Variants in ADGRA2 observed in about 807,000 individuals in gnomAD.
The protein encoded by ADGRA2 is adhesion G protein-coupled receptor A2, also known as G-protein coupled receptor 124.
Under a neutral mutation model 98.7 loss-of-function variants are expected in ADGRA2, and 61 were observed. That is an observed-to-expected ratio of 0.62 (90% CI 0.50 to 0.76). The LOEUF is 0.76. ADGRA2 is among the 30% of genes least tolerant of loss of function. The pLI, the probability that ADGRA2 is intolerant of heterozygous loss-of-function variation, is 0.00. For missense variants in ADGRA2, 1,712 were observed against 1,860.0 expected (o/e 0.92, Z 1.46); for synonymous variants, 858 against 831.5 (o/e 1.03, Z -0.55).
At position 37,814,872 on chromosome 8, in the gene ADGRA2, T is replaced by C. The variant is rs1804932999; in HGVS notation, c.267-24T>C. On this transcript the variant is annotated intron_variant, in intron 1 of 18. Transcript: ENST00000412232. This position sits in a 1 kb window ranked among gnomAD's most constrained non-coding sequence, Gnocchi z 4.3. ...CAGCACATAACAGCACCTTGTCCTG[T>C]CTGTGTCCTCTCTGTCTCTTCAGGC... 1.3e-6 allele frequency: 2 copies of C among 1,583,298 alleles called. No individual in the cohort carries two copies. The highest frequency in any genetic ancestry group is 1.7e-6 in the Non-Finnish European group (2 of 1,151,932).
At chr8:37,832,749 C>T (rs1343720214) in intron 8 of ADGRA2, among the ~76,000 whole-genome samples, 1 of 152,192 alleles carries the variant, frequency 6.6e-6, no homozygotes, top group Admixed American at 6.5e-5. Flanking sequence ...AGGATAAATA[C>T]CTTGCCTTAA....
Position 37,844,669 on chromosome 8 carries a change from AG to A in ADGRA2, c.*2317del. On this transcript the variant is annotated 3_prime_UTR_variant, in exon 19 of 19. Transcript: ENST00000412232. ...ATCCGCTTCGGGGACTTCAACATGC[AG>A]GGTGGCAAGAGAAGGGCAGGACTGG... 1.2e-6 allele frequency: 2 copies of A among 1,614,138 alleles called. No individual in the cohort carries two copies. The highest frequency in any genetic ancestry group is 1.7e-6 in the Non-Finnish European group (2 of 1,180,038).
intron 7 of ADGRA2, 60 bp from the exon 8 acceptor site, chr8:37,831,363 G>A: frequency 1.9e-6 from 3 of 1,540,162 alleles, no homozygotes; most frequent in South Asian, 2.2e-5. Flanking sequence ...GGTGCTGAGG[G>A]AGGGCAACGT....
chr8:37,844,304 C>A lies in ADGRA2; in HGVS notation c.*1949C>A. 1.5e-6 allele frequency: 1 copy of A among 673,896 alleles called. No individual in the cohort carries two copies. Among genetic ancestry groups the A allele is most frequent in the Non-Finnish European group, 2.5e-6 (1 of 393,828 alleles). 41.7% of individuals were successfully genotyped at this position (673,896 alleles called of 1,614,324 possible). ...ACCAAGGGATGGGAATCTCTCCTAC[C>A]TATAGTCATCCCTGCACTCCTGACT... On this transcript the variant is annotated 3_prime_UTR_variant, in exon 19 of 19. Coordinates refer to ENST00000412232, the MANE Select transcript of ADGRA2 (RefSeq NM_032777.10).
chr8:37,811,372 A>T (rs1179580171), intron 1 of ADGRA2, among the ~76,000 whole-genome samples: 8 of 147,132 alleles, frequency 5.4e-5, no homozygotes, highest in Non-Finnish European at 1.2e-4. Flanking sequence ...GAGTTTCACC[A>T]TGTTGGCCAG....
intron 2 of ADGRA2, among the ~76,000 whole-genome samples, chr8:37,815,875 G>A (rs908617804): frequency 6.6e-6 from 1 of 152,154 alleles, no homozygotes; most frequent in Non-Finnish European, 1.5e-5. Context: ...GAGGAAGCCT[G>A]GGCCTCCCAC....
rs868085799 is a variant in ADGRA2 at position 37,814,796 on chromosome 8, C to A, written c.267-100C>A. Reference sequence around the variant, plus strand: ...TGCTGCCTCGCACAACTCCAGGGGGCGCCATTGACAAAGATGCAAGCTGGC... The same window carrying A: ...TGCTGCCTCGCACAACTCCAGGGGGAGCCATTGACAAAGATGCAAGCTGGC... On this transcript the variant is annotated intron_variant, in intron 1 of 18. Transcript: ENST00000412232. The surrounding 1 kb of genome is among the most constrained non-coding windows in gnomAD (Gnocchi z 4.3). 2.9e-5 allele frequency: 24 copies of A among 819,380 alleles called. No homozygotes were observed. The Middle Eastern group carries it at 1.2e-3, about 39-fold the overall frequency. 50.8% of individuals were successfully genotyped at this position (819,380 alleles called of 1,614,324 possible).
chr8:37,841,677 C>CCGGTGTTCGGGGAGGGG lies in ADGRA2; in HGVS notation c.3340_3341insGGTGTTCGGGGAGGGGC (p.Pro1114ArgfsTer195). On this transcript the variant is annotated frameshift_variant, in exon 19 of 19. Coordinates refer to ENST00000412232, the MANE Select transcript of ADGRA2 (RefSeq NM_032777.10). LOFTEE classifies it low-confidence loss of function (END_TRUNC). The surrounding 1 kb of genome is among the most constrained non-coding windows in gnomAD (Gnocchi z 5.0). ...ACGGTTCCCCGGTGTTCGGGGAGGG[C>CCGGTGTTCGGGGAGGGG]CCCCCCTCCCTCAAGTCCTCCCCAA... 2.6e-6 allele frequency: 4 copies of CCGGTGTTCGGGGAGGGG among 1,527,872 alleles called. No homozygotes were observed. Among genetic ancestry groups the CCGGTGTTCGGGGAGGGG allele is most frequent in the Non-Finnish European group, 3.5e-6 (4 of 1,137,110 alleles). 94.6% of individuals were successfully genotyped at this position (1,527,872 alleles called of 1,614,324 possible).
At position 37,841,595 on chromosome 8, in the gene ADGRA2, C is replaced by A; in HGVS notation, c.3257C>A (p.Pro1086His). The change falls in exon 19 of 19, where the codon CCT becomes CAT. Residue 1086 changes from proline to histidine, a missense_variant. By Grantham distance (77) the Pro-to-His change is moderately conservative. Coordinates refer to ENST00000412232, the MANE Select transcript of ADGRA2 (RefSeq NM_032777.10). The surrounding 1 kb of genome is among the most constrained non-coding windows in gnomAD (Gnocchi z 5.0). Reference sequence around the variant, plus strand: ...GCCTCGTGGCGCGCCTGCTGCCCCCCTGCCTCTCCCGCGGCCCCCCATGCC... The same window carrying A: ...GCCTCGTGGCGCGCCTGCTGCCCCCATGCCTCTCCCGCGGCCCCCCATGCC... Reference protein sequence around the residue: ...VRASWRACCPPASPAAPHAPP... With the variant: ...VRASWRACCPHASPAAPHAPP... 1.3e-6 allele frequency: 2 copies of A among 1,579,072 alleles called. No individual in the cohort carries two copies. Among genetic ancestry groups the A allele is most frequent in the Non-Finnish European group, 1.7e-6 (2 of 1,163,572 alleles).
In ADGRA2 at chr8:37,841,060, C is replaced by T. The variant is rs1218634202; in HGVS notation, c.2748-26C>T. 4.5e-6 allele frequency: 7 copies of T among 1,565,844 alleles called. No individual in the cohort carries two copies. Among genetic ancestry groups the T allele is most frequent in the East Asian group, 2.2e-5 (1 of 44,518 alleles). On this transcript the variant is annotated intron_variant, in intron 18 of 18. Coordinates refer to ENST00000412232, the MANE Select transcript of ADGRA2 (RefSeq NM_032777.10). The surrounding 1 kb of genome is among the most constrained non-coding windows in gnomAD (Gnocchi z 5.0). ...CCACCCCAGCCATGCCCCCTGTCCT[C>T]ATCACTGCTTCTGTGTCTCCTACAG...
At chr8:37,818,064 C>T (rs1351525402) in intron 2 of ADGRA2, among the ~76,000 whole-genome samples, 1 of 152,122 alleles carries the variant, frequency 6.6e-6, no homozygotes, top group African/African-American at 2.4e-5. Flanking sequence ...TCTTGGGTGC[C>T]AACAAAGAGG....
chr8:37,817,449 G>A (rs1054404428), intron 2 of ADGRA2, among the ~76,000 whole-genome samples: 1 of 152,136 alleles, frequency 6.6e-6, no homozygotes, highest in African/African-American at 2.4e-5. Flanking sequence ...GGTGGCTCAC[G>A]CCAGTAATTC....
In ADGRA2 at chr8:37,833,681, T is replaced by C. The variant is rs905794292; in HGVS notation, c.1297-7T>C. On this transcript the variant is annotated splice_polypyrimidine_tract_variant and splice_region_variant and intron_variant, in intron 9 of 18. Transcript: ENST00000412232. ...GAGATGATCCTCTCTCTTCCCCCAA[T>C]CCCCAGATGCCCATCAATGCCTCCA... 2 of 1,613,502 alleles carry C rather than the reference T, an allele frequency of 1.2e-6. No individual in the cohort carries two copies. The highest frequency in any genetic ancestry group is 1.7e-5 in the Admixed American group (1 of 59,988).
intron 11 of ADGRA2, 117 bp from the exon 12 acceptor site, chr8:37,835,057 A>G: frequency 1.4e-6 from 1 of 695,172 alleles, no homozygotes; most frequent in South Asian, 1.8e-5. Context: ...TGGCTTTGAA[A>G]AAACTGAGGA....
At position 37,843,447 on chromosome 8, in the gene ADGRA2, C is replaced by G. The variant is rs952119511; in HGVS notation, c.*1092C>G. ...AGCCCAGAGGCAGTGGCTGGGGTCC[C>G]TGCAGGTCATGAGGGGCCTATGCCT... On this transcript the variant is annotated 3_prime_UTR_variant, in exon 19 of 19. Transcript: ENST00000412232. 3 of 152,270 alleles carry G rather than the reference C, an allele frequency of 2.0e-5. No individual in the cohort carries two copies. The highest frequency in any genetic ancestry group is 4.4e-5 in the Non-Finnish European group (3 of 68,078). The allele number at this position is 152,270 out of a possible 1,614,324, so 9.4% of individuals were successfully genotyped here.
chr8:37,797,049 C>T lies in ADGRA2; in HGVS notation c.-220C>T. 5.0e-6 allele frequency: 1 copy of T among 200,556 alleles called. No individual in the cohort carries two copies. The highest frequency in any genetic ancestry group is 9.8e-6 in the Non-Finnish European group (1 of 102,276). 12.4% of individuals were successfully genotyped at this position (200,556 alleles called of 1,614,324 possible). A position where few individuals can be genotyped will look rare whatever the true frequency, so the allele number is the denominator to read the frequency against. ...GCGCAGCTGGGAGCTGCCCGCGCTGCGCTGACAGCCGCGCCGACGTCCTCC... is the reference window on the plus strand; with the variant it reads ...GCGCAGCTGGGAGCTGCCCGCGCTGTGCTGACAGCCGCGCCGACGTCCTCC... On this transcript the variant is annotated 5_prime_UTR_variant, in exon 1 of 19. Coordinates refer to ENST00000412232, the MANE Select transcript of ADGRA2 (RefSeq NM_032777.10). This position sits in a 1 kb window ranked among gnomAD's most constrained non-coding sequence, Gnocchi z 5.3.
At chr8:37,832,276 C>G (rs1698393966) in intron 8 of ADGRA2, among the ~76,000 whole-genome samples, 1 of 152,172 alleles carries the variant, frequency 6.6e-6, no homozygotes, top group Non-Finnish European at 1.5e-5. Context: ...TGGTCTCGAA[C>G]TCCTGGCCTC....
intron 1 of ADGRA2, among the ~76,000 whole-genome samples, chr8:37,811,583 TC>T (rs1804834891): frequency 6.7e-6 from 1 of 148,792 alleles, no homozygotes; most frequent in African/African-American, 2.5e-5. Context: ...TTCAAGTGAT[TC>T]TCCTGCCTCA....
intron 2 of ADGRA2, among the ~76,000 whole-genome samples, chr8:37,827,450 AG>A (rs1805313521): frequency 6.6e-6 from 1 of 152,190 alleles, no homozygotes; most frequent in African/African-American, 2.4e-5. Context: ...CTGCAGCCCC[AG>A]GGGCAGGTGA....
Sources: gnomAD v4.1 joint callset for allele counts (sites outside exome capture counted in the v4.1 genomes callset) on GRCh38, gnomAD v4.1.1 for gene constraint, Gnocchi (gnomAD v3.1) non-coding constraint, MANE v1.5 for transcripts, NCBI Gene and HGNC (gene_info 2026-07-23, HGNC 2026-07-21) for gene names.